KCTD16: variants seen among roughly 807,000 people sequenced by gnomAD.
KCTD16 encodes the protein BTB/POZ domain-containing protein KCTD16.
A neutral mutation model predicts 33.2 loss-of-function variants in KCTD16; 13 were observed. The ratio of observed to expected loss-of-function variants is 0.39; its 90% CI spans 0.25 to 0.62. KCTD16 has a LOEUF of 0.62. KCTD16 is among the 20% of genes least tolerant of loss of function. The pLI is 0.50. For synonymous variants in KCTD16, 197 were observed against 195.3 expected (o/e 1.01, Z -0.07); for missense variants, 441 against 525.1 (o/e 0.84, Z 1.57).
intron 3 of KCTD16, among the ~76,000 whole-genome samples, chr5:144,425,081 G>T (rs995277227): frequency 6.6e-6 from 1 of 152,066 alleles, no homozygotes; most frequent in African/African-American, 2.4e-5. Flanking sequence ...TTCATCCTGA[G>T]GCAAATTTAT....
intron 3 of KCTD16, among the ~76,000 whole-genome samples, chr5:144,384,763 T>A (rs1025786904): frequency 1.3e-5 from 2 of 152,200 alleles, no homozygotes; most frequent in African/African-American, 4.8e-5. Flanking sequence ...GTGGTAATAT[T>A]GGACAATTTT....
At chr5:144,192,493 G>T (rs746802817) in intron 2 of KCTD16, among the ~76,000 whole-genome samples, 1 of 152,184 alleles carries the variant, frequency 6.6e-6, no homozygotes, top group Admixed American at 6.5e-5. Flanking sequence ...CGAATAAAGC[G>T]AAGGATTGTA....
intron 3 of KCTD16, among the ~76,000 whole-genome samples, chr5:144,222,843 G>A (rs1005954491): frequency 2.6e-5 from 4 of 152,146 alleles, no homozygotes; most frequent in African/African-American, 9.7e-5. Context: ...ACATGCACAC[G>A]TATGTTTACT....
intron 3 of KCTD16, among the ~76,000 whole-genome samples, chr5:144,415,440 G>A (rs1281891860): frequency 2.0e-5 from 3 of 152,118 alleles, no homozygotes; most frequent in African/African-American, 7.2e-5. Context: ...GGGACCTGGT[G>A]ATATTGTTTG....
intron 2 of KCTD16, among the ~76,000 whole-genome samples, chr5:144,202,406 C>T (rs1753063105): frequency 6.6e-6 from 1 of 152,192 alleles, no homozygotes; most frequent in Non-Finnish European, 1.5e-5. Context: ...GAGTGTATTG[C>T]TTTATTTCCT....
chr5:144,208,092 T>G (rs938776392), intron 3 of KCTD16, among the ~76,000 whole-genome samples: 4 of 152,212 alleles, frequency 2.6e-5, no homozygotes, highest in Non-Finnish European at 5.9e-5. Context: ...CAAGTCTAAA[T>G]TTTGCTTTTA....
intron 3 of KCTD16, among the ~76,000 whole-genome samples, chr5:144,274,550 C>A (rs1755391187): frequency 6.6e-6 from 1 of 152,078 alleles, no homozygotes; most frequent in Admixed American, 6.6e-5. Context: ...AATGTTTATT[C>A]AGGGTCATGA....
chr5:144,206,641 A>G lies in KCTD16; in HGVS notation c.-74A>G. 7.9e-7 allele frequency: 1 copy of G among 1,262,556 alleles called. No homozygotes were observed. The highest frequency in any genetic ancestry group is 1.1e-6 in the Non-Finnish European group (1 of 898,900). 78.2% of individuals were successfully genotyped at this position (1,262,556 alleles called of 1,614,324 possible). A position where few individuals can be genotyped will look rare whatever the true frequency, so the allele number is the denominator to read the frequency against. On this transcript the variant is annotated 5_prime_UTR_variant, in exon 3 of 4. Transcript: ENST00000512467. ...ATCCTTTTCCCTTTCTTACAAGTTG[A>G]TCCAAAGGATAAGGCTGTGACTCCA... is the stretch of plus-strand genomic sequence containing the variant.
intron 3 of KCTD16, among the ~76,000 whole-genome samples, chr5:144,291,982 C>A (rs1332978911): frequency 2.0e-5 from 3 of 152,130 alleles, no homozygotes; most frequent in East Asian, 3.8e-4. Context: ...CTTAATTAGA[C>A]TGCATTAATG....
chr5:144,430,072 C>T (rs952633337), intron 3 of KCTD16, among the ~76,000 whole-genome samples: 2 of 152,018 alleles, frequency 1.3e-5, no homozygotes, highest in Non-Finnish European at 2.9e-5. Context: ...TATGAATGTG[C>T]AAGCTAGCTG....
At chr5:144,380,803 T>C (rs866454957) in intron 3 of KCTD16, among the ~76,000 whole-genome samples, 1 of 152,054 alleles carries the variant, frequency 6.6e-6, no homozygotes, top group African/African-American at 2.4e-5. Context: ...TTGCACCATA[T>C]AAAAATCAAC....
chr5:144,419,212 TAA>T (rs1427431719), intron 3 of KCTD16, among the ~76,000 whole-genome samples: 1 of 152,194 alleles, frequency 6.6e-6, no homozygotes, highest in African/African-American at 2.4e-5. Context: ...CACACTATTG[TAA>T]TTTGCATCCC....
intron 3 of KCTD16, among the ~76,000 whole-genome samples, chr5:144,312,274 G>A (rs1751787300): frequency 6.6e-6 from 1 of 152,194 alleles, no homozygotes; most frequent in African/African-American, 2.4e-5. Flanking sequence ...AGACCGTGCA[G>A]GACAAGTGCT....
chr5:144,203,169 C>G (rs926654537), intron 2 of KCTD16, among the ~76,000 whole-genome samples: 1 of 152,048 alleles, frequency 6.6e-6, no homozygotes, highest in Non-Finnish European at 1.5e-5. Context: ...CAGAACTCCT[C>G]ATTTTAAAAA....
chr5:144,294,348 G>T (rs1264843846), intron 3 of KCTD16, among the ~76,000 whole-genome samples: 1 of 152,096 alleles, frequency 6.6e-6, no homozygotes, highest in Non-Finnish European at 1.5e-5. Flanking sequence ...TCAAAGATAT[G>T]GTGGTAACTC....
At chr5:144,412,005 A>G (rs1477216959) in intron 3 of KCTD16, among the ~76,000 whole-genome samples, 6 of 152,220 alleles carry the variant, frequency 3.9e-5, no homozygotes, top group African/African-American at 1.4e-4. Flanking sequence ...AATGGTTTTT[A>G]TCAAAAAGAC....
chr5:144,359,681 G>T (rs1045433490), intron 3 of KCTD16, among the ~76,000 whole-genome samples: 2 of 150,770 alleles, frequency 1.3e-5, no homozygotes, highest in Non-Finnish European at 2.9e-5. Context: ...CATCTAGTAG[G>T]CAGAAGCCAG....
intron 3 of KCTD16, among the ~76,000 whole-genome samples, chr5:144,406,043 G>C (rs1054558100): frequency 3.3e-5 from 5 of 152,150 alleles, no homozygotes; most frequent in African/African-American, 1.2e-4. Context: ...GACATACTGA[G>C]GCTTGTTGTT....
rs770838664 is a variant in KCTD16 at position 144,479,888 on chromosome 5, G to C, written c.*5774G>C. ...AGGGCTTGTCCTGGAGGAGGGTGGG[G>C]GTAATCTTCCTGTTAATCAGCTTTG... On this transcript the variant is annotated 3_prime_UTR_variant, in exon 4 of 4. Transcript: ENST00000512467. 2.0e-5 allele frequency: 3 copies of C among 151,934 alleles called. No homozygotes were observed. The highest frequency in any genetic ancestry group is 4.4e-5 in the Non-Finnish European group (3 of 67,896). The allele number at this position is 151,934 out of a possible 1,614,324, so 9.4% of individuals were successfully genotyped here. A position where few individuals can be genotyped will look rare whatever the true frequency, so the allele number is the denominator to read the frequency against.
Sources: gnomAD v4.1 joint callset for allele counts (sites outside exome capture counted in the v4.1 genomes callset) on GRCh38, gnomAD v4.1.1 for gene constraint, MANE v1.5 for transcripts, NCBI Gene and HGNC (gene_info 2026-07-23, HGNC 2026-07-21) for gene names.